The following ADAMTSL4 variants were observed in gnomAD, a reference collection of about 807,000 sequenced individuals.
ADAMTSL4 encodes the protein ADAMTS-like protein 4.
A neutral mutation model predicts 122.8 loss-of-function variants in ADAMTSL4; 97 were observed. The observed-to-expected ratio is 0.79, with a 90% CI of 0.67 to 0.93. The LOEUF is 0.93. Among genes scored for constraint, ADAMTSL4 ranks in the 40% least tolerant of loss-of-function variants. ADAMTSL4 has a pLI of 0.00. For missense variants in ADAMTSL4, 1,408 were observed against 1,453.5 expected (o/e 0.97, Z 0.51); for synonymous variants, 592 against 568.0 (o/e 1.04, Z -0.60).
rs139784416 is a variant in ADAMTSL4, at chr1:150,559,786, C to T, written c.2969C>T (p.Thr990Met). Reference sequence around the variant, plus strand: ...TGTTCTCGCTCCTGCCAAGGGGGAACGCAGACACGGGAGGTCCAGTGCCTG... The same window carrying T: ...TGTTCTCGCTCCTGCCAAGGGGGAATGCAGACACGGGAGGTCCAGTGCCTG... ...SPCSRSCQGG[T>M]QTREVQCLST... is the part of the protein sequence containing the mutation. Residue 990 changes from threonine to methionine, a missense_variant, in exon 18 of 19, where the codon ACG becomes ATG. Coordinates refer to ENST00000271643, the MANE Select transcript of ADAMTSL4 (RefSeq NM_019032.6). The surrounding 1 kb of genome is among the most constrained non-coding windows in gnomAD (Gnocchi z 4.1). 5.3e-4 allele frequency: 856 copies of T among 1,613,968 alleles called. 10 individuals carry two copies. The African/African-American group carries it at 9.6e-3, about 18-fold the overall frequency.
rs1672385391 is a variant in ADAMTSL4, at chr1:150,558,070, A to T, written c.2303A>T (p.His768Leu). The T allele has an allele frequency of 6.2e-7, 1 of 1,612,976 alleles. No individual in the cohort carries two copies. Among genetic ancestry groups the T allele is most frequent in the Admixed American group, 1.7e-5 (1 of 59,996 alleles). ...TCGGTGCCCCCGGAGCGCTGTGGACATCTCCCCCGGCCCAACATCACCCAG... is the reference window on the plus strand; with the variant it reads ...TCGGTGCCCCCGGAGCGCTGTGGACTTCTCCCCCGGCCCAACATCACCCAG... ...GSSVPPERCG[H>L]LPRPNITQSC... The change falls in exon 14 of 19, where the codon CAT (histidine) becomes CTT (leucine). Residue 768 changes from histidine to leucine, a missense_variant. By Grantham distance (99) the His-to-Leu change is moderately conservative (BLOSUM62 -3). Coordinates refer to ENST00000271643, the MANE Select transcript of ADAMTSL4 (RefSeq NM_019032.6).
At position 150,556,703 on chromosome 1, in the gene ADAMTSL4, C is replaced by A. The variant is rs766045112; in HGVS notation, c.1659C>A (p.Thr553=). ...DPPGSYRAGG[T]VFRYNRPPRE... ...CTGGGTCCTACAGGGCCGGCGGGAC[C>A]GTCTTTCGATATAACCGTCCTCCCA... The change falls in exon 10 of 19, where the codon ACC becomes ACA. Residue 553 remains threonine (T), a synonymous_variant. Transcript: ENST00000271643. The surrounding 1 kb of genome is among the most constrained non-coding windows in gnomAD (Gnocchi z 4.1). 1 of 1,613,978 alleles carries A rather than the reference C, an allele frequency of 6.2e-7. No homozygotes were observed. Among genetic ancestry groups the A allele is most frequent in the South Asian group, 1.1e-5 (1 of 91,080 alleles).
chr1:150,559,473 G>A lies in ADAMTSL4; in HGVS notation c.2943+7G>A, dbSNP rs768802125. 12 of 1,612,890 alleles carry A rather than the reference G, an allele frequency of 7.4e-6. No homozygotes were observed. The highest frequency in any genetic ancestry group is 1.0e-5 in the Non-Finnish European group (12 of 1,179,990). Reference sequence around the variant, plus strand: ...TTCCACGCCCTGGAGCCCAGTGAGTGTCTGGCTGCGCTGTCCTGCCCTGCT... The same window carrying A: ...TTCCACGCCCTGGAGCCCAGTGAGTATCTGGCTGCGCTGTCCTGCCCTGCT... On this transcript the variant is annotated splice_region_variant and intron_variant, in intron 17 of 18. Transcript: ENST00000271643. This position sits in a 1 kb window ranked among gnomAD's most constrained non-coding sequence, Gnocchi z 4.1.
At position 150,559,657 on chromosome 1, in the gene ADAMTSL4, G is replaced by C. The variant is rs1672581084; in HGVS notation, c.2944-104G>C. 2 of 1,596,386 alleles carry C rather than the reference G, an allele frequency of 1.3e-6. No individual in the cohort carries two copies. ...CCATTTGGGATTTCACAATGTCCTA[G>C]GAGGGTCCCCACCACCACCTTTTGG... On this transcript the variant is annotated intron_variant, in intron 17 of 18. Transcript: ENST00000271643. This position sits in a 1 kb window ranked among gnomAD's most constrained non-coding sequence, Gnocchi z 4.1.
At position 150,560,281 on chromosome 1, in the gene ADAMTSL4, G is replaced by C. The variant is rs1672645513; in HGVS notation, c.*85G>C. 2 of 1,574,104 alleles carry C rather than the reference G, an allele frequency of 1.3e-6. No individual in the cohort carries two copies. Among genetic ancestry groups the C allele is most frequent in the East Asian group, 4.6e-5 (2 of 43,374 alleles). On this transcript the variant is annotated 3_prime_UTR_variant, in exon 19 of 19. Transcript: ENST00000271643. ...CCACTCTGAACCCCCTGGCTCTCCA[G>C]CCTGTCCCAGTCTCAGCAGGGATGT...
chr1:150,552,083 A>G lies in ADAMTSL4; in HGVS notation c.-84-122A>G. 2 of 614,334 alleles carry G rather than the reference A, an allele frequency of 3.3e-6. No homozygotes were observed. The highest frequency in any genetic ancestry group is 2.9e-6 in the Non-Finnish European group (1 of 341,428). The allele number at this position is 614,334 out of a possible 1,614,324, so 38.1% of individuals were successfully genotyped here. A position where few individuals can be genotyped will look rare whatever the true frequency, so the allele number is the denominator to read the frequency against. ...CAAGGCAGTGATCCTCCCTGCTCCC[A>G]CCCTGAGGATCCTAAAGGGATGGAC... On this transcript the variant is annotated intron_variant, in intron 2 of 18. Coordinates refer to ENST00000271643, the MANE Select transcript of ADAMTSL4 (RefSeq NM_019032.6). This position sits in a 1 kb window ranked among gnomAD's most constrained non-coding sequence, Gnocchi z 4.0.
Position 150,560,519 on chromosome 1 carries a change from T to C in ADAMTSL4, c.*323T>C, listed in dbSNP as rs919487753. ...AAGACCTGTTTCCTTGAGACTTTCCTAGGTGGAAAGGAAAGCAAGTCTGCA... is the reference window on the plus strand; with the variant it reads ...AAGACCTGTTTCCTTGAGACTTTCCCAGGTGGAAAGGAAAGCAAGTCTGCA... On this transcript the variant is annotated 3_prime_UTR_variant, in exon 19 of 19. Transcript: ENST00000271643. 4 of 403,108 alleles carry C rather than the reference T, an allele frequency of 9.9e-6. No homozygotes were observed. The highest frequency in any genetic ancestry group is 8.0e-5 in the African/African-American group (4 of 49,818). The allele number at this position is 403,108 out of a possible 1,614,324, so 25.0% of individuals were successfully genotyped here.
At position 150,559,927 on chromosome 1, in the gene ADAMTSL4, A is replaced by G. The variant is rs1199624226; in HGVS notation, c.3088+22A>G. The G allele has an allele frequency of 5.6e-6, 9 of 1,613,584 alleles. No individual in the cohort carries two copies. The highest frequency in any genetic ancestry group is 5.5e-5 in the South Asian group (5 of 91,072). On this transcript the variant is annotated intron_variant, in intron 18 of 18. Coordinates refer to ENST00000271643, the MANE Select transcript of ADAMTSL4 (RefSeq NM_019032.6). The surrounding 1 kb of genome is among the most constrained non-coding windows in gnomAD (Gnocchi z 4.1). The stretch of plus-strand genomic sequence containing the variant: ...CCTGGTAAAGAGCCCCCTCTCCCCA[A>G]TCCCCAATACAGTGGATTAGCTGAA...
Position 150,559,333 on chromosome 1 carries a change from G to A in ADAMTSL4, c.2810G>A (p.Cys937Tyr). The A allele has an allele frequency of 6.2e-7, 1 of 1,614,064 alleles. No homozygotes were observed. The highest frequency in any genetic ancestry group is 1.1e-5 in the South Asian group (1 of 91,088). Reference protein sequence around the residue: ...GSGTQRRDIICVSKLGTEFNV... With the variant: ...GSGTQRRDIIYVSKLGTEFNV... ...GGCACACAGCGTAGAGACATCATCTGTGTATCCAAACTGGGGACGGAGTTC... is the reference window on the plus strand; with the variant it reads ...GGCACACAGCGTAGAGACATCATCTATGTATCCAAACTGGGGACGGAGTTC... Residue 937 changes from cysteine (C) to tyrosine (Y), a missense_variant, in exon 17 of 19, where the codon TGT (cysteine) becomes TAT (tyrosine). Physicochemically the swap from Cys to Tyr is radical, Grantham distance 194. Transcript: ENST00000271643. This position sits in a 1 kb window ranked among gnomAD's most constrained non-coding sequence, Gnocchi z 4.1.
chr1:150,557,957 C>T lies in ADAMTSL4; in HGVS notation c.2190C>T (p.Gly730=), dbSNP rs373005024. The change falls in exon 14 of 19, where the codon GGC becomes GGT. Residue 730 remains glycine, a synonymous_variant. Coordinates refer to ENST00000271643, the MANE Select transcript of ADAMTSL4 (RefSeq NM_019032.6). ...CTGGTGCCTGCAGCTGGGAGGCTGGCGAGTGGACATCCTGCAGCCGCTCCT... is the reference window on the plus strand; with the variant it reads ...CTGGTGCCTGCAGCTGGGAGGCTGGTGAGTGGACATCCTGCAGCCGCTCCT... ...GTPCPPYWEA[G]EWTSCSRSCG... 433 of 1,607,470 alleles carry T rather than the reference C, an allele frequency of 2.7e-4. No homozygotes were observed. The Middle Eastern group carries it at 4.9e-3, about 18-fold the overall frequency.
intron 14 of ADAMTSL4, 63 bp from the exon 15 acceptor site, chr1:150,558,410 A>G: frequency 6.2e-7 from 1 of 1,605,944 alleles, no homozygotes; most frequent in Non-Finnish European, 8.5e-7. Context: ...TGAAGCCTAG[A>G]GCTGGAAGCT....
chr1:150,552,197 C>T lies in ADAMTSL4; in HGVS notation c.-84-8C>T. On this transcript the variant is annotated splice_polypyrimidine_tract_variant and splice_region_variant and intron_variant, in intron 2 of 18. Coordinates refer to ENST00000271643, the MANE Select transcript of ADAMTSL4 (RefSeq NM_019032.6). The surrounding 1 kb of genome is among the most constrained non-coding windows in gnomAD (Gnocchi z 4.0). ...GGAGAGGTAACCACCAGGCTTCTGT[C>T]CCTGCAGAGAGCACCCTCCACGCCC... The T allele has an allele frequency of 7.3e-7, 1 of 1,368,802 alleles. No individual in the cohort carries two copies. The highest frequency in any genetic ancestry group is 2.1e-5 in the Admixed American group (1 of 48,578). 84.8% of individuals were successfully genotyped at this position (1,368,802 alleles called of 1,614,324 possible). A position where few individuals can be genotyped will look rare whatever the true frequency, so the allele number is the denominator to read the frequency against.
In ADAMTSL4 at chr1:150,553,595, G is replaced by C. The variant is rs1398917405; in HGVS notation, c.604G>C (p.Glu202Gln). Residue 202 changes from glutamate to glutamine, a missense_variant, in exon 6 of 19, where the codon GAG (glutamate) becomes CAG (glutamine). Glu to Gln is a conservative substitution (Grantham distance 29). Transcript: ENST00000271643. ...EAIPSPTPRAEPFSANGSPQT... is the reference protein window; with the variant it reads ...EAIPSPTPRAQPFSANGSPQT... ...TATTCCGTCCCCTACTCCAAGAGCA[G>C]AGCCATTCTCCGCAAACGGCAGCCC... 3.7e-6 allele frequency: 6 copies of C among 1,613,682 alleles called. No individual in the cohort carries two copies. Among genetic ancestry groups the C allele is most frequent in the Non-Finnish European group, 3.4e-6 (4 of 1,179,942 alleles).
At position 150,553,543 on chromosome 1, in the gene ADAMTSL4, C is replaced by T. The variant is rs1284669440; in HGVS notation, c.552C>T (p.Ser184=). 5 of 1,613,750 alleles carry T rather than the reference C, an allele frequency of 3.1e-6. No individual in the cohort carries two copies. In the African/African-American group the frequency reaches 6.7e-5, roughly 22 times the overall value. ...GGAGCCCACCCAGATCTGAGCTGTC[C>T]CTGATCTCTTCTAGAGGGGAAGAGG... ...HPRSPPRSEL[S]LISSRGEEAI... Residue 184 remains serine (S), a synonymous_variant, in exon 6 of 19, where the codon TCC becomes TCT. Coordinates refer to ENST00000271643, the MANE Select transcript of ADAMTSL4 (RefSeq NM_019032.6).
chr1:150,555,634 TACACATGTAC>T, intron 8 of ADAMTSL4, 69 bp downstream of exon 8: 1 of 1,538,156 alleles, frequency 6.5e-7, no homozygotes, highest in Non-Finnish European at 8.7e-7. Flanking sequence ...CCCATATGCA[TACACATGTAC>T]ACACATATGT....
chr1:150,558,797 C>G, intron 15 of ADAMTSL4, 148 bp downstream of exon 15: 1 of 1,547,606 alleles, frequency 6.5e-7, no homozygotes, highest in Non-Finnish European at 8.7e-7. Context: ...GTGAGAACAA[C>G]TTCCATGAGG....
In ADAMTSL4 at chr1:150,553,209, C is replaced by T. The variant is rs990203095; in HGVS notation, c.390C>T (p.Ser130=). ...GRGGPLRGPA[S]HLGREETQEI... The stretch of plus-strand genomic sequence containing the variant: ...GTGGCCCACTTCGAGGTCCCGCTTC[C>T]CACCTAGGGAGAGAGGAGACCCAGG... The change falls in exon 5 of 19, where the codon TCC becomes TCT. Residue 130 remains serine, a synonymous_variant. Transcript: ENST00000271643. 6.2e-7 allele frequency: 1 copy of T among 1,606,698 alleles called. No homozygotes were observed. Among genetic ancestry groups the T allele is most frequent in the Non-Finnish European group, 8.5e-7 (1 of 1,176,334 alleles).
intron 13 of ADAMTSL4, 157 bp downstream of exon 13, chr1:150,557,780 G>A (rs887370857): frequency 2.3e-6 from 3 of 1,309,262 alleles, no homozygotes; most frequent in African/African-American, 2.9e-5. Flanking sequence ...CAGCAAGAAA[G>A]CCATGGCAGG....
chr1:150,555,434 G>A lies in ADAMTSL4; in HGVS notation c.1240G>A (p.Gly414Ser), dbSNP rs767653546. Reference protein sequence around the residue: ...YQWEPFTEVQGSQRCELNCRP... With the variant: ...YQWEPFTEVQSSQRCELNCRP... ...CCTTCTACCCTGTCCCTTAGTCCAG[G>A]GCTCCCAGCGCTGTGAACTGAACTG... is the stretch of plus-strand genomic sequence containing the variant. Residue 414 changes from glycine (G) to serine (S), a missense_variant, in exon 8 of 19, where the codon GGC becomes AGC. Transcript: ENST00000271643. 5.6e-6 allele frequency: 9 copies of A among 1,614,056 alleles called. No individual in the cohort carries two copies. The highest frequency in any genetic ancestry group is 7.6e-6 in the Non-Finnish European group (9 of 1,179,976).
Sources: gnomAD v4.1 joint callset for allele counts on GRCh38, gnomAD v4.1.1 for gene constraint, Gnocchi (gnomAD v3.1) non-coding constraint, MANE v1.5 for transcripts, NCBI Gene and HGNC (gene_info 2026-07-23, HGNC 2026-07-21) for gene names.